Variants in KIAA1328 observed in about 807,000 individuals in gnomAD.
KIAA1328 encodes the protein KIAA1328, also known as protein hinderin.
Under a neutral mutation model 68.1 loss-of-function variants are expected in KIAA1328, and 52 were observed. The ratio of observed to expected loss-of-function variants is 0.76; its 90% CI spans 0.61 to 0.96. The LOEUF is 0.96. Ranked by LOEUF, KIAA1328 falls within the 40% of genes least tolerant of loss-of-function variation. The probability of loss-of-function intolerance (pLI) is 0.00; values close to 1 mark genes in which losing one functional copy is unlikely to be tolerated. For missense variants in KIAA1328, 641 were observed against 677.6 expected (o/e 0.95, Z 0.60); for synonymous variants, 232 against 239.4 (o/e 0.97, Z 0.28).
intron 6 of KIAA1328, among the ~76,000 whole-genome samples, chr18:37,041,658 GT>G (rs1467648202): frequency 4.0e-5 from 6 of 151,520 alleles, no homozygotes; most frequent in South Asian, 2.1e-4. Flanking sequence ...GTGTGTGTGT[GT>G]GTGTGTGTGT....
chr18:37,110,235 GA>G (rs554021961), intron 7 of KIAA1328, among the ~76,000 whole-genome samples: 7 of 151,000 alleles, frequency 4.6e-5, no homozygotes, highest in Non-Finnish European at 8.9e-5. Flanking sequence ...TTTTGTTAAT[GA>G]AAAAAAAATC....
At chr18:36,983,712 A>G (rs906620136) in intron 6 of KIAA1328, among the ~76,000 whole-genome samples, 4 of 152,098 alleles carry the variant, frequency 2.6e-5, no homozygotes, top group Admixed American at 1.3e-4. Context: ...GAAATACTCT[A>G]TTTTCTACAT....
chr18:36,878,609 TTC>T (rs1257754712), intron 4 of KIAA1328, among the ~76,000 whole-genome samples: 3 of 152,196 alleles, frequency 2.0e-5, no homozygotes, highest in Non-Finnish European at 4.4e-5. Context: ...AAAGTATGTT[TTC>T]CAACTTGGTT....
At position 36,928,111 on chromosome 18, in the gene KIAA1328, G is replaced by GT. The variant is rs199773168; in HGVS notation, c.449-31189dup. Among the ~76,000 whole-genome samples, 61 of 151,994 alleles carry GT rather than the reference G, an allele frequency of 4.0e-4. 1 individual carries two copies. Among genetic ancestry groups the GT allele is most frequent in the African/African-American group, 1.2e-3 (51 of 41,434 alleles). On this transcript the variant is annotated intron_variant, in intron 5 of 9. Transcript: ENST00000280020. ...CCCAGTAGGGATATAGGTAGTTTCT[G>GT]TTTTTTTTATTTTTTTTATATCAGT...
intron 6 of KIAA1328, among the ~76,000 whole-genome samples, chr18:36,973,707 G>A (rs999311404): frequency 6.6e-6 from 1 of 151,820 alleles, no homozygotes; most frequent in South Asian, 2.1e-4. Context: ...AAACCAAATC[G>A]ACATTACAGA....
intron 7 of KIAA1328, among the ~76,000 whole-genome samples, chr18:37,117,453 G>A (rs1056159104): frequency 2.6e-5 from 4 of 152,112 alleles, no homozygotes; most frequent in African/African-American, 9.7e-5. Flanking sequence ...GAGAACACTT[G>A]GACACAGCGG....
intron 9 of KIAA1328, among the ~76,000 whole-genome samples, chr18:37,220,289 C>T (rs2060532594): frequency 6.6e-6 from 1 of 152,184 alleles, no homozygotes; most frequent in Non-Finnish European, 1.5e-5. Flanking sequence ...CCAAAAATCA[C>T]TTAATGATTT....
At chr18:36,896,819 A>C (rs1229244211) in intron 5 of KIAA1328, among the ~76,000 whole-genome samples, 1 of 152,150 alleles carries the variant, frequency 6.6e-6, no homozygotes, top group Non-Finnish European at 1.5e-5. Flanking sequence ...TTAAAGGGCT[A>C]TCTGATGTAC....
intron 7 of KIAA1328, among the ~76,000 whole-genome samples, chr18:37,105,332 A>C (rs947300964): frequency 1.3e-5 from 2 of 152,022 alleles, no homozygotes; most frequent in African/African-American, 4.8e-5. Flanking sequence ...GGAAGACCCT[A>C]TCTCTAAATT....
At chr18:37,148,923 G>A (rs2058967280) in intron 7 of KIAA1328, among the ~76,000 whole-genome samples, 2 of 152,212 alleles carry the variant, frequency 1.3e-5, no homozygotes, top group Non-Finnish European at 2.9e-5. Flanking sequence ...TAGGTTGCCT[G>A]TTCACTCTGA....
intron 7 of KIAA1328, among the ~76,000 whole-genome samples, chr18:37,080,238 A>C (rs776477617): frequency 3.3e-4 from 50 of 152,146 alleles, no homozygotes; most frequent in Non-Finnish European, 6.6e-4. Context: ...GTTTAAGCTG[A>C]CCATGTTCTC....
intron 9 of KIAA1328, among the ~76,000 whole-genome samples, chr18:37,179,497 A>T (rs1196053723): frequency 6.6e-6 from 1 of 152,170 alleles, no homozygotes; most frequent in Non-Finnish European, 1.5e-5. Flanking sequence ...CTGTAAGCTC[A>T]TGCCTTGCTG....
chr18:37,194,833 G>C (rs1049262248), intron 9 of KIAA1328, among the ~76,000 whole-genome samples: 40 of 151,984 alleles, frequency 2.6e-4, no homozygotes, highest in Non-Finnish European at 8.8e-5. Context: ...GCTAATTTTT[G>C]TATTTTTAGT....
intron 6 of KIAA1328, among the ~76,000 whole-genome samples, chr18:36,969,653 A>C (rs1273355946): frequency 6.6e-6 from 1 of 152,148 alleles, no homozygotes; most frequent in Non-Finnish European, 1.5e-5. Context: ...TAACCTACCA[A>C]CCAAAAAAAT....
intron 5 of KIAA1328, among the ~76,000 whole-genome samples, chr18:36,936,782 T>C (rs1746480649): frequency 6.6e-6 from 1 of 152,196 alleles, no homozygotes; most frequent in African/African-American, 2.4e-5. Context: ...ATCTGTTGTT[T>C]CCTGCCTTTG....
chr18:37,057,690 C>T (rs2055972620), intron 6 of KIAA1328, among the ~76,000 whole-genome samples: 1 of 152,028 alleles, frequency 6.6e-6, no homozygotes, highest in African/African-American at 2.4e-5. Flanking sequence ...CTGCCTCGGC[C>T]TCCCAAAGTG....
intron 6 of KIAA1328, among the ~76,000 whole-genome samples, chr18:36,966,684 GA>G (rs2051952014): frequency 6.6e-6 from 1 of 152,148 alleles, no homozygotes; most frequent in Non-Finnish European, 1.5e-5. Context: ...TATTTCTGTT[GA>G]TTACCAATGA....
At chr18:37,100,917 A>G (rs2057592814) in intron 7 of KIAA1328, among the ~76,000 whole-genome samples, 1 of 152,206 alleles carries the variant, frequency 6.6e-6, no homozygotes, top group African/African-American at 2.4e-5. Context: ...CAGGGTCTGG[A>G]GTGGACCTCT....
intron 1 of KIAA1328, among the ~76,000 whole-genome samples, chr18:36,830,871 G>A (rs1600892994): frequency 1.3e-5 from 2 of 152,336 alleles, no homozygotes; most frequent in South Asian, 4.1e-4. Flanking sequence ...GAAAGGAATT[G>A]CAAAGTTGCT....
Sources: gnomAD v4.1 joint callset for allele counts (sites outside exome capture counted in the v4.1 genomes callset) on GRCh38, gnomAD v4.1.1 for gene constraint, MANE v1.5 for transcripts, NCBI Gene and HGNC (gene_info 2026-07-23, HGNC 2026-07-21) for gene names.